MSI2: variants seen among roughly 807,000 people sequenced by gnomAD.
The protein encoded by MSI2 is RNA-binding protein Musashi homolog 2.
Under a neutral mutation model 45.6 loss-of-function variants are expected in MSI2, and 17 were observed. The observed-to-expected ratio is 0.37, with a 90% CI of 0.26 to 0.56. MSI2 has a LOEUF of 0.56. Among genes scored for constraint, MSI2 ranks in the 20% least tolerant of loss-of-function variants. The probability of loss-of-function intolerance (pLI) is 0.77; values close to 1 mark genes in which losing one functional copy is unlikely to be tolerated. For missense variants in MSI2, 293 were observed against 444.2 expected, an observed-to-expected ratio of 0.66 and a Z score of 3.06; for synonymous variants, 156 against 158.2, an observed-to-expected ratio of 0.99 and a Z score of 0.11.
chr17:57,605,852 A>G (rs1293477765), intron 8 of MSI2, among the ~76,000 whole-genome samples: 1 of 152,252 alleles, frequency 6.6e-6, no homozygotes, highest in African/African-American at 2.4e-5. Flanking sequence ...GGCCCCACGC[A>G]GGGCCTCTGG....
chr17:57,346,670 G>T (rs1049396038), intron 5 of MSI2, among the ~76,000 whole-genome samples: 1 of 151,918 alleles, frequency 6.6e-6, no homozygotes, highest in African/African-American at 2.4e-5. Flanking sequence ...GCAGTGGCAC[G>T]ATCATGGCTC....
chr17:57,465,240 T>A (rs1262152657), intron 6 of MSI2, among the ~76,000 whole-genome samples: 3 of 151,954 alleles, frequency 2.0e-5, no homozygotes, highest in Non-Finnish European at 4.4e-5. Flanking sequence ...GGCGGGTGGA[T>A]CACTTGAGTC....
chr17:57,638,155 G>C (rs1909979265), intron 10 of MSI2, among the ~76,000 whole-genome samples: 1 of 152,214 alleles, frequency 6.6e-6, no homozygotes. Context: ...TGGCAGCCAA[G>C]GACAAAGCAG....
At chr17:57,308,455 GA>G (rs1219082652) in intron 5 of MSI2, among the ~76,000 whole-genome samples, 2 of 152,202 alleles carry the variant, frequency 1.3e-5, no homozygotes, top group Non-Finnish European at 2.9e-5. Flanking sequence ...TTAATGCTGA[GA>G]AACGAAAGCA....
At chr17:57,507,100 C>T (rs1030658963) in intron 6 of MSI2, among the ~76,000 whole-genome samples, 3 of 151,680 alleles carry the variant, frequency 2.0e-5, no homozygotes, top group African/African-American at 2.4e-5. Flanking sequence ...TTATTTCCCT[C>T]CCTTTTATTT....
At chr17:57,366,459 A>G (rs993866316) in intron 5 of MSI2, among the ~76,000 whole-genome samples, 1 of 151,966 alleles carries the variant, frequency 6.6e-6, no homozygotes, top group Non-Finnish European at 1.5e-5. Flanking sequence ...TTAAATTTCC[A>G]CCCCGTGAAG....
At chr17:57,662,804 C>CA (rs1351050577) in intron 11 of MSI2, among the ~76,000 whole-genome samples, 1 of 152,256 alleles carries the variant, frequency 6.6e-6, no homozygotes, top group Non-Finnish European at 1.5e-5. Context: ...CCTGCTGTTG[C>CA]AGACACTGCC....
intron 7 of MSI2, among the ~76,000 whole-genome samples, chr17:57,536,931 T>G (rs942602926): frequency 6.6e-6 from 1 of 152,132 alleles, no homozygotes. Context: ...GGTGGGCAAC[T>G]GTTTAAGAAA....
intron 5 of MSI2, among the ~76,000 whole-genome samples, chr17:57,347,470 C>T (rs922754546): frequency 1.3e-5 from 2 of 152,200 alleles, no homozygotes; most frequent in African/African-American, 4.8e-5. Flanking sequence ...GGTCTCATTG[C>T]TTTCCAGCCC....
chr17:57,458,987 GT>G (rs2085171070), intron 6 of MSI2, among the ~76,000 whole-genome samples: 1 of 152,250 alleles, frequency 6.6e-6, no homozygotes, highest in South Asian at 2.1e-4. Context: ...CTCGTCAGTG[GT>G]TGTTTTGCTG....
chr17:57,379,604 A>G (rs563930317), intron 5 of MSI2, among the ~76,000 whole-genome samples: 1 of 151,280 alleles, frequency 6.6e-6, no homozygotes, highest in South Asian at 2.1e-4. Context: ...TACTTCTCGG[A>G]TTGGCTTCTC....
At chr17:57,555,185 C>T (rs1247326691) in intron 7 of MSI2, among the ~76,000 whole-genome samples, 5 of 152,216 alleles carry the variant, frequency 3.3e-5, no homozygotes, top group Non-Finnish European at 7.3e-5. Context: ...GCCCCATCTC[C>T]CACACATCTA....
At chr17:57,293,246 G>A (rs974911984) in intron 5 of MSI2, among the ~76,000 whole-genome samples, 1 of 152,150 alleles carries the variant, frequency 6.6e-6, no homozygotes, top group African/African-American at 2.4e-5. Context: ...AGAGACTCAG[G>A]GCCCTACTGT....
chr17:57,367,833 C>A (rs564481783), intron 5 of MSI2, among the ~76,000 whole-genome samples: 12 of 152,126 alleles, frequency 7.9e-5, no homozygotes, highest in Admixed American at 2.6e-4. Flanking sequence ...AGGTACCATG[C>A]TGCCACCAGG....
chr17:57,623,570 C>G (rs1908510600), intron 9 of MSI2, among the ~76,000 whole-genome samples: 1 of 152,164 alleles, frequency 6.6e-6, no homozygotes, highest in South Asian at 2.1e-4. Context: ...AGGTGGTCAC[C>G]CTGGCAGAAG....
intron 6 of MSI2, among the ~76,000 whole-genome samples, chr17:57,505,994 C>T (rs927751299): frequency 5.3e-5 from 8 of 152,314 alleles, no homozygotes; most frequent in Middle Eastern, 3.4e-3. Flanking sequence ...ATGGCCCCCT[C>T]CAGACTCTCT....
intron 10 of MSI2, among the ~76,000 whole-genome samples, chr17:57,637,296 G>A (rs1291020507): frequency 6.6e-6 from 1 of 152,212 alleles, no homozygotes; most frequent in Non-Finnish European, 1.5e-5. Context: ...AACCCAGACC[G>A]ACCGCGGCAC....
At chr17:57,602,086 G>A (rs985189380) in intron 8 of MSI2, 1 of 152,212 alleles carries the variant, frequency 6.6e-6, no homozygotes, top group Non-Finnish European at 1.5e-5. Flanking sequence ...CAATACTACT[G>A]CAGGATTACT....
intron 8 of MSI2, among the ~76,000 whole-genome samples, chr17:57,597,755 C>T (rs1046594471): frequency 6.6e-6 from 1 of 152,250 alleles, no homozygotes; most frequent in Non-Finnish European, 1.5e-5. Flanking sequence ...TATTCTTTTG[C>T]TGTGCAGCTT....
Sources: allele counts gnomAD v4.1 joint callset (sites outside exome capture counted in the v4.1 genomes callset), GRCh38; gene constraint gnomAD v4.1.1; transcripts MANE v1.5; gene names NCBI Gene and HGNC (gene_info 2026-07-23, HGNC 2026-07-21).